The following PSPC1 variants were observed in gnomAD, a reference collection of about 807,000 sequenced individuals.
The protein encoded by PSPC1 is paraspeckle component 1.
PSPC1 carries 14 observed loss-of-function variants against 51.6 expected under a neutral mutation model. The ratio of observed to expected loss-of-function variants is 0.27; its 90% confidence interval spans 0.18 to 0.42. The LOEUF is 0.42. PSPC1 is among the 10% of genes least tolerant of loss of function. The pLI is 1.00. For synonymous variants in PSPC1, 193 were observed against 231.9 expected, an observed-to-expected ratio of 0.83 and a Z score of 1.53; for missense variants, 406 against 701.1, an observed-to-expected ratio of 0.58 and a Z score of 4.75.
chr13:19,743,801 T>C (rs567837903), intron 4 of PSPC1, among the ~76,000 whole-genome samples: 1 of 152,150 alleles, frequency 6.6e-6, no homozygotes, highest in Non-Finnish European at 1.5e-5. Flanking sequence ...TAAATACTCA[T>C]TAGAATTACT....
chr13:19,723,429 A>T (rs928432195), intron 6 of PSPC1, among the ~76,000 whole-genome samples: 3 of 152,244 alleles, frequency 2.0e-5, no homozygotes, highest in East Asian at 1.9e-4. Flanking sequence ...TAATAATCAT[A>T]GCATATGATT....
In PSPC1 at chr13:19,782,286, G is replaced by C; in HGVS notation, c.372+100C>G. ...GCCGAGCGGCGCCACGGTTGCCACA[G>C]GTTGAGACAGCGTCCTAGGACGAGG... On this transcript the variant is annotated intron_variant, in intron 1 of 8. Transcript: ENST00000338910. This position sits in a 1 kb window ranked among gnomAD's most constrained non-coding sequence, Gnocchi z 4.5. 2 of 1,452,464 alleles carry C rather than the reference G, an allele frequency of 1.4e-6. No homozygotes were observed. The highest frequency in any genetic ancestry group is 1.8e-6 in the Non-Finnish European group (2 of 1,105,670). The allele number at this position is 1,452,464 out of a possible 1,614,324, so 90.0% of individuals were successfully genotyped here. A position where few individuals can be genotyped will look rare whatever the true frequency, so the allele number is the denominator to read the frequency against.
At chr13:19,768,669 A>G (rs1888309937) in intron 2 of PSPC1, among the ~76,000 whole-genome samples, 1 of 150,872 alleles carries the variant, frequency 6.6e-6, no homozygotes, top group Non-Finnish European at 1.5e-5. Flanking sequence ...AAGAAAAAAA[A>G]ATGAATAAGG....
intron 4 of PSPC1, among the ~76,000 whole-genome samples, chr13:19,750,662 A>T (rs753898780): frequency 6.6e-6 from 1 of 152,020 alleles, no homozygotes; most frequent in Non-Finnish European, 1.5e-5. Context: ...TACCTACCAA[A>T]ATTTGCCTGC....
At chr13:19,694,851 C>T (rs1879014838) in intron 6 of PSPC1, among the ~76,000 whole-genome samples, 1 of 152,196 alleles carries the variant, frequency 6.6e-6, no homozygotes, top group Admixed American at 6.5e-5. Flanking sequence ...CCCTTTGTCT[C>T]CTAAGATAGC....
intron 3 of PSPC1, among the ~76,000 whole-genome samples, chr13:19,755,381 A>G (rs909049328): frequency 2.0e-5 from 3 of 152,122 alleles, no homozygotes; most frequent in African/African-American, 7.2e-5. Flanking sequence ...CAAGGTCGGG[A>G]GTTCGAGACC....
chr13:19,735,022 G>A (rs1028150883), intron 5 of PSPC1, among the ~76,000 whole-genome samples: 2 of 151,180 alleles, frequency 1.3e-5, no homozygotes, highest in Non-Finnish European at 3.0e-5. Context: ...AAGAAAGGAA[G>A]GAAGTGGGGC....
chr13:19,755,963 G>A (rs1024632687), intron 3 of PSPC1, among the ~76,000 whole-genome samples: 18 of 152,090 alleles, frequency 1.2e-4, no homozygotes, highest in African/African-American at 3.9e-4. Flanking sequence ...TGGGCCGGGC[G>A]CAGTGGCTCA....
intron 6 of PSPC1, among the ~76,000 whole-genome samples, chr13:19,711,632 C>A (rs1223617398): frequency 1.6e-5 from 2 of 122,368 alleles, no homozygotes; most frequent in Admixed American, 9.1e-5. Context: ...AGAGAGACTC[C>A]GTCTCATAAA....
At chr13:19,693,475 TC>T (rs1476617455) in intron 6 of PSPC1, among the ~76,000 whole-genome samples, 2 of 152,212 alleles carry the variant, frequency 1.3e-5, no homozygotes, top group Non-Finnish European at 2.9e-5. Context: ...CAAGCAAATA[TC>T]TAACAAGGAC....
At chr13:19,736,491 G>A (rs552193481) in intron 5 of PSPC1, among the ~76,000 whole-genome samples, 27 of 152,012 alleles carry the variant, frequency 1.8e-4, no homozygotes, top group African/African-American at 2.7e-4. Flanking sequence ...AGACCATCCT[G>A]GCTAACACAG....
intron 7 of PSPC1, among the ~76,000 whole-genome samples, chr13:19,706,188 C>CAA (rs1375888485): frequency 2.6e-5 from 4 of 152,052 alleles, no homozygotes; most frequent in African/African-American, 9.7e-5. Context: ...AAATGAGTAA[C>CAA]AAAGGATTAG....
At chr13:19,763,559 G>C (rs1887782345) in intron 2 of PSPC1, among the ~76,000 whole-genome samples, 1 of 152,186 alleles carries the variant, frequency 6.6e-6, no homozygotes, top group Non-Finnish European at 1.5e-5. Flanking sequence ...ATAGCCTTTG[G>C]CTAGGAGGTT....
downstream of PSPC1, among the ~76,000 whole-genome samples, chr13:19,698,286 T>G (rs540175908): frequency 1.4e-3 from 205 of 151,756 alleles, no homozygotes; most frequent in Non-Finnish European, 2.0e-3. Flanking sequence ...TAGATAAAAA[T>G]TTAGACAATG....
intron 4 of PSPC1, among the ~76,000 whole-genome samples, chr13:19,745,143 T>A (rs1210566054): frequency 2.0e-5 from 3 of 151,862 alleles, no homozygotes; most frequent in Non-Finnish European, 4.4e-5. Flanking sequence ...CATGGCAAAA[T>A]ACTGTCTCTA....
downstream of PSPC1, among the ~76,000 whole-genome samples, chr13:19,697,703 T>A (rs948923310): frequency 1.9e-4 from 29 of 152,108 alleles, no homozygotes; most frequent in African/African-American, 6.5e-4. Flanking sequence ...ACCAAAAAGG[T>A]CAGAAATTAC....
chr13:19,707,930 CA>C (rs58618212), intron 7 of PSPC1, among the ~76,000 whole-genome samples: 13,039 of 152,126 alleles, frequency 0.086, 593 homozygotes, highest in Middle Eastern at 0.13. Context: ...TAAAAAAAGA[CA>C]TAAATATTGG....
At chr13:19,690,563 T>G (rs567856230) in intron 6 of PSPC1, among the ~76,000 whole-genome samples, 1 of 152,340 alleles carries the variant, frequency 6.6e-6, no homozygotes, top group East Asian at 1.9e-4. Context: ...AAACCTCAGG[T>G]AGGCGTTTTA....
At chr13:19,724,724 G>A (rs965489863) in intron 6 of PSPC1, among the ~76,000 whole-genome samples, 1 of 149,384 alleles carries the variant, frequency 6.7e-6, no homozygotes, top group Non-Finnish European at 1.5e-5. Flanking sequence ...CGTGGGCCGG[G>A]CGTGGTGGCT....
Sources: gnomAD v4.1 joint callset for allele counts (sites outside exome capture counted in the v4.1 genomes callset) on GRCh38, gnomAD v4.1.1 for gene constraint, Gnocchi (gnomAD v3.1) non-coding constraint, MANE v1.5 for transcripts, NCBI Gene and HGNC (gene_info 2026-07-23, HGNC 2026-07-21) for gene names.